Variants in DYRK1B observed in about 807,000 individuals in gnomAD.
The protein encoded by DYRK1B is dual specificity tyrosine-phosphorylation-regulated kinase 1B.
DYRK1B carries 20 observed loss-of-function variants against 57.1 expected under a neutral mutation model. The observed-to-expected ratio is 0.35, with a 90% CI of 0.25 to 0.51. DYRK1B has a LOEUF of 0.51. Among genes scored for constraint, DYRK1B ranks in the 20% least tolerant of loss-of-function variants. The pLI is 0.96. For missense variants in DYRK1B, 732 were observed against 886.3 expected, an observed-to-expected ratio of 0.83 and a Z score of 2.21; for synonymous variants, 409 against 384.7, an observed-to-expected ratio of 1.06 and a Z score of -0.74.
chr19:39,833,083 G>A lies in DYRK1B; in HGVS notation c.-102+940C>T. 3 of 985,354 alleles carry A rather than the reference G, an allele frequency of 3.0e-6. No individual in the cohort carries two copies. In the South Asian group the frequency reaches 1.4e-4, roughly 46 times the overall value. The allele number at this position is 985,354 out of a possible 1,614,324, so 61.0% of individuals were successfully genotyped here. On this transcript the variant is annotated intron_variant, in intron 1 of 10. Transcript: ENST00000323039. ...TCACATAGGGTTCTCTCCTCCCAGA[G>A]TTGTCAGCTACAGCAAAAATCTTCT...
At position 39,828,289 on chromosome 19, in the gene DYRK1B, C is replaced by T; in HGVS notation, c.807+8G>A. The T allele has an allele frequency of 1.2e-6, 2 of 1,613,532 alleles. No individual in the cohort carries two copies. The highest frequency in any genetic ancestry group is 1.7e-6 in the Non-Finnish European group (2 of 1,179,846). On this transcript the variant is annotated splice_region_variant and intron_variant, in intron 6 of 10. Transcript: ENST00000323039. This position sits in a 1 kb window ranked among gnomAD's most constrained non-coding sequence, Gnocchi z 4.3. ...TAGCCGTGCTCCCAGGACCGGGCCG[C>T]CCCCTACCCTCTGGCCAAGCTGGCA...
chr19:39,833,447 G>T, intron 1 of DYRK1B: 1 of 691,262 alleles, frequency 1.4e-6, no homozygotes, highest in Non-Finnish European at 1.8e-6. Flanking sequence ...GGTGACAACA[G>T]CAGCCGCCAC....
At chr19:39,833,898 C>T (rs923214982) in intron 1 of DYRK1B, 125 bp downstream of exon 1, 1 of 152,448 alleles carries the variant, frequency 6.6e-6, no homozygotes, top group Non-Finnish European at 1.5e-5. Flanking sequence ...CCGCACCTGC[C>T]TGCCACCCCC....
chr19:39,833,785 G>A (rs577996580), intron 1 of DYRK1B: 1 of 152,464 alleles, frequency 6.6e-6, no homozygotes, highest in African/African-American at 2.4e-5. Context: ...CCAAACAAAG[G>A]GCGGGAGTGG....
At position 39,826,296 on chromosome 19, in the gene DYRK1B, C is replaced by A; in HGVS notation, c.1412-10G>T. 6.4e-7 allele frequency: 1 copy of A among 1,560,774 alleles called. No individual in the cohort carries two copies. Among genetic ancestry groups the A allele is most frequent in the Non-Finnish European group, 8.6e-7 (1 of 1,158,228 alleles). Reference sequence around the variant, plus strand: ...GAGCCACTGGAGCCTCCTGGAAGTGCCAGGGAGGAGAGGTGAAGGGGCATA... The same window carrying A: ...GAGCCACTGGAGCCTCCTGGAAGTGACAGGGAGGAGAGGTGAAGGGGCATA... On this transcript the variant is annotated splice_polypyrimidine_tract_variant and intron_variant, in intron 9 of 10. Transcript: ENST00000323039. The surrounding 1 kb of genome is among the most constrained non-coding windows in gnomAD (Gnocchi z 6.3).
Position 39,831,978 on chromosome 19 carries a change from G to A in DYRK1B, c.-101-10C>T. On this transcript the variant is annotated splice_polypyrimidine_tract_variant and intron_variant, in intron 1 of 10. Coordinates refer to ENST00000323039, the MANE Select transcript of DYRK1B (RefSeq NM_004714.3). ...CCACCGCCGCTGAGACCTGAGAGCA[G>A]ACAGGAAGTGGGAAAACAACATGGA... 1 of 1,420,810 alleles carries A rather than the reference G, an allele frequency of 7.0e-7. No homozygotes were observed. The highest frequency in any genetic ancestry group is 9.2e-7 in the Non-Finnish European group (1 of 1,089,762). The allele number at this position is 1,420,810 out of a possible 1,614,324, so 88.0% of individuals were successfully genotyped here.
chr19:39,825,807 G>A lies in DYRK1B; in HGVS notation c.1798C>T (p.Arg600Cys), dbSNP rs752197206. The change falls in exon 11 of 11, where the codon CGT becomes TGT. Residue 600 changes from arginine to cysteine, a missense_variant. This residue lies in a region of DYRK1B where 222 missense variants were observed against 205.0 expected (regional missense o/e 1.08). Transcript: ENST00000323039. ...TCATCAGGAGGCGGGAGGGGTGGAC[G>A]ACCTCCAGTCATCCGAGTCCGGAGG... ...SALRTRMTGG[R>C]PPLPPPDDPA... 1.8e-5 allele frequency: 29 copies of A among 1,596,386 alleles called. No individual in the cohort carries two copies. Among genetic ancestry groups the A allele is most frequent in the South Asian group, 8.9e-5 (8 of 89,484 alleles).
At chr19:39,827,141 G>T in intron 8 of DYRK1B, 144 bp downstream of exon 8, 1 of 1,185,890 alleles carries the variant, frequency 8.4e-7, no homozygotes, top group Non-Finnish European at 1.2e-6. Flanking sequence ...TGGGAGATGG[G>T]GTGGGCAGGG....
In DYRK1B at chr19:39,830,731, T is replaced by C. The variant is rs753422313; in HGVS notation, c.116A>G (p.Asp39Gly). Reference protein sequence around the residue: ...LPRRLPLAFRDATSAPLRKLS... With the variant: ...LPRRLPLAFRGATSAPLRKLS... ...CTTACGCAGCGGGGCTGAGGTTGCA[T>C]CCCGGAAGGCCAGGGGCAGCCTCCG... Residue 39 changes from aspartate to glycine, a missense_variant, in exon 3 of 11, where the codon GAT becomes GGT. By Grantham distance (94) the Asp-to-Gly change is moderately conservative. Coordinates refer to ENST00000323039, the MANE Select transcript of DYRK1B (RefSeq NM_004714.3). The C allele has an allele frequency of 6.2e-7, 1 of 1,614,040 alleles. No individual in the cohort carries two copies.
intron 5 of DYRK1B, 39 bp downstream of exon 5, chr19:39,829,841 A>C: frequency 6.2e-7 from 1 of 1,605,364 alleles, no homozygotes; most frequent in South Asian, 1.1e-5. Flanking sequence ...AGCTCCCGCT[A>C]TCCCAGGTGC....
Position 39,830,700 on chromosome 19 carries a change from A to G in DYRK1B, c.147T>C (p.Ser49=). 2 of 1,614,146 alleles carry G rather than the reference A, an allele frequency of 1.2e-6. No individual in the cohort carries two copies. The highest frequency in any genetic ancestry group is 1.7e-6 in the Non-Finnish European group (2 of 1,180,026). ...GCTTGTAGGTCTTGATGAGGTCCAC[A>G]GAGAGCTTACGCAGCGGGGCTGAGG... ...DATSAPLRKL[S]VDLIKTYKHI... Residue 49 remains serine (S), a synonymous_variant, in exon 3 of 11, where the codon TCT becomes TCC. Transcript: ENST00000323039.
At chr19:39,831,058 T>C (rs1968788703) in intron 2 of DYRK1B, among the ~76,000 whole-genome samples, 1 of 152,182 alleles carries the variant, frequency 6.6e-6, no homozygotes, top group Non-Finnish European at 1.5e-5. Context: ...CTTTACTCCT[T>C]TCTGAACCTC....
rs1968625007 is a variant in DYRK1B at position 39,828,107 on chromosome 19, GC to G, written c.807+189del. 6.6e-6 allele frequency among the ~76,000 whole-genome samples: 1 copy of G among 152,038 alleles called. No individual in the cohort carries two copies. The highest frequency in any genetic ancestry group is 2.1e-4 in the South Asian group (1 of 4,822). The stretch of plus-strand genomic sequence containing the variant: ...TTCACATCTGGCAGCTTCAAAATGG[GC>G]CCTGCCCCTCAGGCTTCACCCTTCC... On this transcript the variant is annotated intron_variant, in intron 6 of 10. Coordinates refer to ENST00000323039, the MANE Select transcript of DYRK1B (RefSeq NM_004714.3). The surrounding 1 kb of genome is among the most constrained non-coding windows in gnomAD (Gnocchi z 4.3).
At position 39,829,803 on chromosome 19, in the gene DYRK1B, G is replaced by A. The variant is rs141658265; in HGVS notation, c.520+77C>T. On this transcript the variant is annotated intron_variant, in intron 5 of 10. Coordinates refer to ENST00000323039, the MANE Select transcript of DYRK1B (RefSeq NM_004714.3). ...ATCAGCCTCCTCCTGAGAGTAGGGC[G>A]GGGGTGTGACCCATCCCTACTGGCT... The A allele has an allele frequency of 4.0e-3, 6,076 of 1,516,476 alleles. 21 individuals are homozygous for A. Among genetic ancestry groups the A allele is most frequent in the Non-Finnish European group, 5.1e-3 (5,710 of 1,113,444 alleles). The allele number at this position is 1,516,476 out of a possible 1,614,324, so 93.9% of individuals were successfully genotyped here. A position where few individuals can be genotyped will look rare whatever the true frequency, so the allele number is the denominator to read the frequency against.
intron 6 of DYRK1B, 84 bp from the exon 7 acceptor site, chr19:39,827,740 G>A (rs953519250): frequency 9.9e-6 from 15 of 1,512,668 alleles, no homozygotes; most frequent in Middle Eastern, 1.8e-4. Flanking sequence ...CCCAACTGAG[G>A]ACAGGCTTCT....
In DYRK1B at chr19:39,830,304, C is replaced by A. The variant is rs766531397; in HGVS notation, c.372+71G>T. The stretch of plus-strand genomic sequence containing the variant: ...GAGTGGCCCAGCATGGGACTTGAAG[C>A]CACTGAACCACTGGGTGTGTGATCA... On this transcript the variant is annotated intron_variant, in intron 4 of 10. Coordinates refer to ENST00000323039, the MANE Select transcript of DYRK1B (RefSeq NM_004714.3). The A allele has an allele frequency of 3.1e-6, 5 of 1,588,376 alleles. No homozygotes were observed. The African/African-American group carries it at 6.7e-5, about 21-fold the overall frequency.
At chr19:39,829,632 A>C in intron 5 of DYRK1B, 1 of 419,912 alleles carries the variant, frequency 2.4e-6, no homozygotes, top group Non-Finnish European at 4.2e-6. Flanking sequence ...TGGTGAGTTA[A>C]CTTCCAAGTG....
rs1431182097 is a variant in DYRK1B at position 39,830,742 on chromosome 19, C to T, written c.105G>A (p.Leu35=). The change falls in exon 3 of 11, where the codon CTG becomes CTA. Residue 35 remains leucine, a synonymous_variant. Transcript: ENST00000323039. ...DVRLLPRRLP[L]AFRDATSAPL... ...GGGCTGAGGTTGCATCCCGGAAGGCCAGGGGCAGCCTCCGAGGCAGTAGCC... is the reference window on the plus strand; with the variant it reads ...GGGCTGAGGTTGCATCCCGGAAGGCTAGGGGCAGCCTCCGAGGCAGTAGCC... 6.2e-7 allele frequency: 1 copy of T among 1,613,966 alleles called. No individual in the cohort carries two copies.
chr19:39,827,732 C>T (rs1968606785), intron 6 of DYRK1B, 76 bp from the exon 7 acceptor site: 10 of 1,529,920 alleles, frequency 6.5e-6, no homozygotes, highest in Non-Finnish European at 8.0e-6. Context: ...TAAGAGGACC[C>T]AACTGAGGAC....
Sources: gnomAD v4.1 joint callset for allele counts (sites outside exome capture counted in the v4.1 genomes callset) on GRCh38, gnomAD v4.1.1 for gene constraint, gnomAD v4.1.1 regional missense constraint, Gnocchi (gnomAD v3.1) non-coding constraint, MANE v1.5 for transcripts, NCBI Gene and HGNC (gene_info 2026-07-23, HGNC 2026-07-21) for gene names.